The following CBFA2T3 variants were observed in gnomAD, a reference collection of about 807,000 sequenced individuals.
CBFA2T3 encodes transcriptional corepressor CBFA2T3.
In CBFA2T3, 31 loss-of-function variants were observed where a neutral mutation model predicts 58.6. The observed-to-expected ratio is 0.53, with a 90% CI of 0.40 to 0.71. CBFA2T3 has a LOEUF of 0.71. CBFA2T3 is among the 30% of genes least tolerant of loss of function. CBFA2T3 has a pLI of 0.00. For synonymous variants in CBFA2T3, 531 were observed against 421.9 expected, an observed-to-expected ratio of 1.26 and a Z score of -3.17; for missense variants, 1,076 against 963.1, an observed-to-expected ratio of 1.12 and a Z score of -1.55.
At chr16:88,952,352 C>A (rs758790268) in intron 1 of CBFA2T3, among the ~76,000 whole-genome samples, 1 of 151,982 alleles carries the variant, frequency 6.6e-6, no homozygotes, top group Non-Finnish European at 1.5e-5. Context: ...CGGCTTTCAG[C>A]AAGACAAATG....
Position 88,953,017 on chromosome 16 carries a change from G to A in CBFA2T3, c.151+23640C>T, listed in dbSNP as rs531357320. On this transcript the variant is annotated intron_variant, in intron 1 of 11. Coordinates refer to ENST00000268679, the MANE Select transcript of CBFA2T3 (RefSeq NM_005187.6). This position sits in a 1 kb window ranked among gnomAD's most constrained non-coding sequence, Gnocchi z 4.9. ...TGTCGAGACGGCATGTCCCGCCATCGGGTTTGCTGCTGAATGAGCAGATGA... is the reference window on the plus strand; with the variant it reads ...TGTCGAGACGGCATGTCCCGCCATCAGGTTTGCTGCTGAATGAGCAGATGA... Among the ~76,000 whole-genome samples, 1 of 151,826 alleles carries A rather than the reference G, an allele frequency of 6.6e-6. No individual in the cohort carries two copies. The highest frequency in any genetic ancestry group is 2.4e-5 in the African/African-American group (1 of 41,358).
chr16:88,959,007 G>A (rs1044539298), intron 1 of CBFA2T3, among the ~76,000 whole-genome samples: 3 of 152,142 alleles, frequency 2.0e-5, no homozygotes, highest in African/African-American at 7.2e-5. Flanking sequence ...ATAGACAAGT[G>A]CTGTGTGCCC....
At chr16:88,899,569 C>A (rs1451289917) in intron 2 of CBFA2T3, among the ~76,000 whole-genome samples, 1 of 152,172 alleles carries the variant, frequency 6.6e-6, no homozygotes, top group African/African-American at 2.4e-5. Context: ...GCCCTCACAT[C>A]CGTTCACAGG....
At chr16:88,902,444 C>G (rs1012748789) in intron 1 of CBFA2T3, 4 of 151,522 alleles carry the variant, frequency 2.6e-5, no homozygotes, top group Non-Finnish European at 4.4e-5. Context: ...CTGAGGCTCC[C>G]TGAAGTCTGA....
intron 1 of CBFA2T3, among the ~76,000 whole-genome samples, chr16:88,945,715 C>T (rs1446609254): frequency 1.3e-5 from 2 of 152,098 alleles, no homozygotes; most frequent in East Asian, 1.9e-4. Context: ...CATTCATTGC[C>T]GACGGGAATG....
intron 1 of CBFA2T3, among the ~76,000 whole-genome samples, chr16:88,927,952 C>CAG (rs1971138811): frequency 6.6e-6 from 1 of 152,208 alleles, no homozygotes; most frequent in Non-Finnish European, 1.5e-5. Flanking sequence ...GTGGGGCGTC[C>CAG]TCTGAAGTGG....
chr16:88,974,358 C>T (rs531521132), intron 1 of CBFA2T3, among the ~76,000 whole-genome samples: 29 of 152,196 alleles, frequency 1.9e-4, no homozygotes, highest in South Asian at 4.2e-4. Context: ...CCAGACCCTC[C>T]GCGTGAGGGG....
At chr16:88,976,156 T>C (rs964510481) in intron 1 of CBFA2T3, among the ~76,000 whole-genome samples, 1 of 152,154 alleles carries the variant, frequency 6.6e-6, no homozygotes, top group African/African-American at 2.4e-5. Flanking sequence ...CTGCCCTGGC[T>C]GGAATCGTTC....
intron 1 of CBFA2T3, among the ~76,000 whole-genome samples, chr16:88,907,707 C>T (rs74035894): frequency 6.6e-6 from 1 of 152,216 alleles, no homozygotes; most frequent in African/African-American, 2.4e-5. Context: ...CTCCTGGCCT[C>T]CCTCTGTGGC....
At chr16:88,970,514 T>G (rs1268893224) in intron 1 of CBFA2T3, among the ~76,000 whole-genome samples, 1 of 152,196 alleles carries the variant, frequency 6.6e-6, no homozygotes, top group Non-Finnish European at 1.5e-5. Context: ...TTCCTGACCT[T>G]TCTGATTTGT....
chr16:88,916,590 T>G (rs1970744561), intron 1 of CBFA2T3, among the ~76,000 whole-genome samples: 1 of 138,304 alleles, frequency 7.2e-6, no homozygotes, highest in African/African-American at 2.7e-5. Context: ...GGTGGTCTGA[T>G]CTGCAGACAG....
intron 1 of CBFA2T3, among the ~76,000 whole-genome samples, chr16:88,962,275 A>G (rs1388334356): frequency 1.3e-5 from 2 of 152,256 alleles, no homozygotes; most frequent in Non-Finnish European, 2.9e-5. Context: ...ATAGTAACTG[A>G]TACTCAGCAC....
intron 1 of CBFA2T3, among the ~76,000 whole-genome samples, chr16:88,932,640 C>G (rs1481066662): frequency 6.7e-6 from 1 of 150,032 alleles, no homozygotes; most frequent in East Asian, 2.0e-4. Context: ...GAGGGAGACC[C>G]CGACTATAAG....
intron 1 of CBFA2T3, among the ~76,000 whole-genome samples, chr16:88,911,383 C>G (rs1273790249): frequency 6.6e-6 from 1 of 152,240 alleles, no homozygotes; most frequent in Admixed American, 6.5e-5. Context: ...GTATGAGTCT[C>G]TGGCTCCCCT....
chr16:88,946,799 A>G (rs564520588), intron 1 of CBFA2T3, among the ~76,000 whole-genome samples: 2 of 149,726 alleles, frequency 1.3e-5, no homozygotes, highest in Admixed American at 1.3e-4. Context: ...TTGTTTGTTT[A>G]TTTTTAGACA....
intron 5 of CBFA2T3, among the ~76,000 whole-genome samples, chr16:88,891,446 C>G (rs951848552): frequency 6.6e-6 from 1 of 152,190 alleles, no homozygotes; most frequent in Non-Finnish European, 1.5e-5. Context: ...GCCTTCCCAC[C>G]CCAGGGTGCT....
chr16:88,970,196 G>C lies in CBFA2T3; in HGVS notation c.151+6461C>G, dbSNP rs535501505. Among the ~76,000 whole-genome samples the C allele has an allele frequency of 3.1e-3, 467 of 152,364 alleles. 4 individuals are homozygous for C. The highest frequency in any genetic ancestry group is 6.0e-3 in the East Asian group (31 of 5,184). Reference sequence around the variant, plus strand: ...GATTTCACTCCAGGAGGCGGTGGCGGCGGCCCCAAGCCGGCAGCCTTGCTG... The same window carrying C: ...GATTTCACTCCAGGAGGCGGTGGCGCCGGCCCCAAGCCGGCAGCCTTGCTG... On this transcript the variant is annotated intron_variant, in intron 1 of 11. Transcript: ENST00000268679.
chr16:88,974,292 A>G (rs1972734639), intron 1 of CBFA2T3, among the ~76,000 whole-genome samples: 1 of 152,136 alleles, frequency 6.6e-6, no homozygotes, highest in Non-Finnish European at 1.5e-5. Context: ...CCAGCACCGC[A>G]AGCACCGTCT....
intron 1 of CBFA2T3, among the ~76,000 whole-genome samples, chr16:88,909,912 C>T (rs1186064797): frequency 6.6e-6 from 1 of 152,230 alleles, no homozygotes; most frequent in Non-Finnish European, 1.5e-5. Flanking sequence ...CCAAGGTAAA[C>T]CCGTACACTT....
Sources: allele counts gnomAD v4.1 joint callset (sites outside exome capture counted in the v4.1 genomes callset), GRCh38; gene constraint gnomAD v4.1.1; non-coding constraint Gnocchi (gnomAD v3.1); transcripts MANE v1.5; gene names NCBI Gene and HGNC (gene_info 2026-07-23, HGNC 2026-07-21).